Variants in NEK1 observed in about 807,000 individuals in gnomAD.
NEK1 encodes the protein serine/threonine-protein kinase Nek1.
NEK1 carries 137 observed loss-of-function variants against 182.1 expected under a neutral mutation model. That is an observed-to-expected ratio of 0.75 (90% CI 0.65 to 0.87). NEK1 has a LOEUF of 0.87. Among genes scored for constraint, NEK1 ranks in the 40% least tolerant of loss-of-function variants. The probability of loss-of-function intolerance (pLI) is 0.00; values close to 1 mark genes in which losing one functional copy is unlikely to be tolerated. For synonymous variants in NEK1, 513 were observed against 492.2 expected, an observed-to-expected ratio of 1.04 and a Z score of -0.56; for missense variants, 1,391 against 1,494.4, an observed-to-expected ratio of 0.93 and a Z score of 1.14.
chr4:169,455,221 A>G (rs1017963319), intron 27 of NEK1, among the ~76,000 whole-genome samples: 1 of 152,136 alleles, frequency 6.6e-6, no homozygotes, highest in African/African-American at 2.4e-5. Context: ...AGAAATACCT[A>G]ATGTAAATGA....
intron 26 of NEK1, among the ~76,000 whole-genome samples, chr4:169,466,100 A>G (rs1744873995): frequency 6.6e-6 from 1 of 152,134 alleles, no homozygotes; most frequent in African/African-American, 2.4e-5. Flanking sequence ...TGAATTCCAT[A>G]TGTTCAACAA....
At chr4:169,398,294 A>G (rs561004302) in intron 35 of NEK1, among the ~76,000 whole-genome samples, 121 of 151,500 alleles carry the variant, frequency 8.0e-4, no homozygotes, top group African/African-American at 2.8e-3. Context: ...TACCACTAAG[A>G]CTTGAGTTTT....
intron 23 of NEK1, among the ~76,000 whole-genome samples, chr4:169,499,134 C>T (rs568066766): frequency 1.1e-4 from 16 of 152,136 alleles, no homozygotes; most frequent in South Asian, 2.1e-4. Flanking sequence ...AAACTCTTCT[C>T]GCTTCATTTC....
intron 19 of NEK1, among the ~76,000 whole-genome samples, chr4:169,512,352 T>C (rs1273028162): frequency 2.6e-5 from 4 of 152,126 alleles, no homozygotes; most frequent in East Asian, 1.9e-4. Context: ...GGTTTAAGTT[T>C]GCATTTTCCA....
At chr4:169,479,578 T>C in intron 23 of NEK1, 44 bp from the exon 24 acceptor site, 1 of 1,479,424 alleles carries the variant, frequency 6.8e-7, no homozygotes, top group Non-Finnish European at 9.3e-7. Flanking sequence ...ATTTTATATT[T>C]GTATGAAGAA....
chr4:169,415,969 G>A (rs1451275898), intron 31 of NEK1, among the ~76,000 whole-genome samples: 1 of 152,144 alleles, frequency 6.6e-6, no homozygotes, highest in Admixed American at 6.5e-5. Flanking sequence ...GAGGACAAGG[G>A]AGGACTTGGG....
chr4:169,401,683 A>G lies in NEK1; in HGVS notation c.3552T>C (p.Ser1184=). ...GCCATTCTTCGTTCAGGGCACTTTC[A>G]CTGCTGGGATTGTCATCTTCATCTG... is the stretch of plus-strand genomic sequence containing the variant. The part of the protein sequence containing the change: ...DVADEDDNPS[S]ESALNEEWHS... The change falls in exon 33 of 36, where the codon AGT becomes AGC. Residue 1184 remains serine, a synonymous_variant. Coordinates refer to ENST00000507142, the MANE Select transcript of NEK1 (RefSeq NM_001199397.3). The G allele has an allele frequency of 6.2e-7, 1 of 1,613,878 alleles. No individual in the cohort carries two copies. The highest frequency in any genetic ancestry group is 8.5e-7 in the Non-Finnish European group (1 of 1,179,800).
chr4:169,437,787 C>G lies in NEK1; in HGVS notation c.2764+296G>C, dbSNP rs140819435. Reference sequence around the variant, plus strand: ...CTAGCTGCCGGCTGACCAACACTTACTGATCTCTGAGATAAAGGCACACGA... The same window carrying G: ...CTAGCTGCCGGCTGACCAACACTTAGTGATCTCTGAGATAAAGGCACACGA... On this transcript the variant is annotated intron_variant, in intron 28 of 35. Coordinates refer to ENST00000507142, the MANE Select transcript of NEK1 (RefSeq NM_001199397.3). Among the ~76,000 whole-genome samples, 336 of 152,268 alleles carry G rather than the reference C, an allele frequency of 2.2e-3. 2 individuals are homozygous for G. The highest frequency in any genetic ancestry group is 7.8e-3 in the African/African-American group (325 of 41,544).
In NEK1 at chr4:169,446,974, G is replaced by C. The variant is rs116481766; in HGVS notation, c.2588-8715C>G. 6.7e-3 allele frequency among the ~76,000 whole-genome samples: 1,010 copies of C among 150,132 alleles called. 10 individuals carry two copies. Among genetic ancestry groups the C allele is most frequent in the African/African-American group, 0.025 (973 of 39,700 alleles). The stretch of plus-strand genomic sequence containing the variant: ...AACAGACTCAGAAGGGCAAATCTAA[G>C]AGTGATTCGTTGTAACGAGGAAGTA... On this transcript the variant is annotated intron_variant, in intron 27 of 35. Transcript: ENST00000507142.
At chr4:169,608,444 C>T (rs559624561) in intron 2 of NEK1, among the ~76,000 whole-genome samples, 89 of 152,088 alleles carry the variant, frequency 5.9e-4, no homozygotes, top group Middle Eastern at 3.4e-3. Context: ...ATTCTAGATG[C>T]TAAAATACTG....
intron 18 of NEK1, among the ~76,000 whole-genome samples, chr4:169,548,083 G>A (rs918527170): frequency 4.6e-5 from 7 of 152,164 alleles, no homozygotes; most frequent in Admixed American, 1.3e-4. Context: ...GCCTTTTTGC[G>A]CTGGTTTCTC....
chr4:169,423,003 T>G (rs1458297747), intron 31 of NEK1, among the ~76,000 whole-genome samples: 1 of 152,142 alleles, frequency 6.6e-6, no homozygotes, highest in East Asian at 1.9e-4. Context: ...ATTAGATACA[T>G]GAGGAAATTT....
chr4:169,537,963 A>G, intron 18 of NEK1, 52 bp from the exon 19 acceptor site: 2 of 1,305,250 alleles, frequency 1.5e-6, no homozygotes, highest in Non-Finnish European at 2.1e-6. Flanking sequence ...AATATTCTAA[A>G]AAGTTAAAAA....
At chr4:169,525,579 C>A (rs906554344) in intron 19 of NEK1, among the ~76,000 whole-genome samples, 2 of 152,128 alleles carry the variant, frequency 1.3e-5, no homozygotes, top group Admixed American at 1.3e-4. Flanking sequence ...CAAGTCAAAT[C>A]TAGTCTGCTG....
At chr4:169,464,015 G>T (rs918462111) in intron 26 of NEK1, among the ~76,000 whole-genome samples, 2 of 152,222 alleles carry the variant, frequency 1.3e-5, no homozygotes, top group East Asian at 3.9e-4. Context: ...TGAACAAAAC[G>T]AAGTTCATAT....
chr4:169,541,765 C>A (rs1445266605), intron 18 of NEK1, among the ~76,000 whole-genome samples: 1 of 152,154 alleles, frequency 6.6e-6, no homozygotes, highest in Non-Finnish European at 1.5e-5. Flanking sequence ...TCCAAGTTTT[C>A]ATTGAATAAA....
intron 32 of NEK1, among the ~76,000 whole-genome samples, chr4:169,405,076 C>G (rs1230869642): frequency 6.6e-6 from 1 of 152,152 alleles, no homozygotes; most frequent in Non-Finnish European, 1.5e-5. Flanking sequence ...GCTTTCTGGT[C>G]ATTCTCCTGG....
rs957804257 is a variant in NEK1 at position 169,482,449 on chromosome 4, C to T, written c.2008-2915G>A. The stretch of plus-strand genomic sequence containing the variant: ...TTGGGACTATAGGTGTGTGCCACCA[C>T]ATCCAGCTAATTTTTCTTTCTTTCT... On this transcript the variant is annotated intron_variant, in intron 23 of 35. Transcript: ENST00000507142. Among the ~76,000 whole-genome samples, 8 of 151,750 alleles carry T rather than the reference C, an allele frequency of 5.3e-5. No homozygotes were observed. The South Asian group carries it at 8.3e-4, about 16-fold the overall frequency.
intron 18 of NEK1, among the ~76,000 whole-genome samples, chr4:169,550,751 A>G (rs1761303482): frequency 6.6e-6 from 1 of 152,194 alleles, no homozygotes; most frequent in Non-Finnish European, 1.5e-5. Context: ...CAATAGTGGC[A>G]TAACTAATGC....
Sources: allele counts gnomAD v4.1 joint callset (sites outside exome capture counted in the v4.1 genomes callset), GRCh38; gene constraint gnomAD v4.1.1; transcripts MANE v1.5; gene names NCBI Gene and HGNC (gene_info 2026-07-23, HGNC 2026-07-21).